THRB: variants seen among roughly 807,000 people sequenced by gnomAD.
The protein encoded by THRB is nuclear receptor subfamily 1 group A member 2.
THRB carries 12 observed loss-of-function variants against 47.8 expected under a neutral mutation model. That is an observed-to-expected ratio of 0.25 (90% CI 0.16 to 0.41). The LOEUF is 0.41. THRB is among the 10% of genes least tolerant of loss of function. The pLI, the probability that THRB is intolerant of heterozygous loss-of-function variation, is 1.00. For synonymous variants in THRB, 218 were observed against 212.2 expected (o/e 1.03, Z -0.24); for missense variants, 348 against 589.2 (o/e 0.59, Z 4.24).
chr3:24,372,728 C>T (rs2065006712), intron 1 of THRB, among the ~76,000 whole-genome samples: 1 of 152,058 alleles, frequency 6.6e-6, no homozygotes, highest in Non-Finnish European at 1.5e-5. Flanking sequence ...ACAGGAGAGT[C>T]CAATGTCTCA....
chr3:24,484,646 G>A lies in THRB; in HGVS notation c.-261+10006C>T, dbSNP rs558364547. 8.5e-5 allele frequency among the ~76,000 whole-genome samples: 13 copies of A among 152,176 alleles called. No homozygotes were observed. In the East Asian group the frequency reaches 1.2e-3, roughly 14 times the overall value. ...AGGGGTTAATAAACTATAGCTCATC[G>A]CCTGTTTTGTAAACAAAATTTTATT... On this transcript the variant is annotated intron_variant, in intron 1 of 10. Coordinates refer to ENST00000646209, the MANE Select transcript of THRB (RefSeq NM_001354712.2).
intron 4 of THRB, among the ~76,000 whole-genome samples, chr3:24,204,847 G>A (rs895200773): frequency 3.9e-5 from 6 of 152,206 alleles, no homozygotes; most frequent in African/African-American, 9.7e-5. Context: ...CAAGAACTAC[G>A]TGACGAATTC....
intron 2 of THRB, among the ~76,000 whole-genome samples, chr3:24,334,117 T>G (rs112555788): frequency 0.028 from 4,267 of 152,270 alleles, 62 homozygotes; most frequent in Middle Eastern, 0.041. Flanking sequence ...AAAATTCAAA[T>G]GAAGTTGTTT....
chr3:24,463,087 T>TACTA (rs888577288), intron 1 of THRB, among the ~76,000 whole-genome samples: 1 of 152,216 alleles, frequency 6.6e-6, no homozygotes, highest in Non-Finnish European at 1.5e-5. Flanking sequence ...CCCTGATTAG[T>TACTA]AAGACAGTAT....
intron 5 of THRB, among the ~76,000 whole-genome samples, chr3:24,167,178 G>A (rs1014408458): frequency 6.6e-6 from 1 of 152,126 alleles, no homozygotes; most frequent in Non-Finnish European, 1.5e-5. Context: ...GACAAAATTA[G>A]AAAAGAGACC....
At chr3:24,198,361 A>G (rs2149695214) in intron 4 of THRB, among the ~76,000 whole-genome samples, 1 of 151,874 alleles carries the variant, frequency 6.6e-6, no homozygotes, top group East Asian at 1.9e-4. Flanking sequence ...AAAGTACTTC[A>G]CAATGTTGAT....
Position 24,468,202 on chromosome 3 carries a change from G to T in THRB, c.-261+26450C>A, listed in dbSNP as rs373788488. 2.6e-5 allele frequency among the ~76,000 whole-genome samples: 4 copies of T among 152,130 alleles called. No individual in the cohort carries two copies. In the East Asian group the frequency reaches 5.8e-4, roughly 22 times the overall value. On this transcript the variant is annotated intron_variant, in intron 1 of 10. Transcript: ENST00000646209. ...GCCTTCATGGAATTAAGAAAGTTAGGGCTTTGCTGTAGATTAGGCTTTGGC... is the reference window on the plus strand; with the variant it reads ...GCCTTCATGGAATTAAGAAAGTTAGTGCTTTGCTGTAGATTAGGCTTTGGC...
chr3:24,342,545 A>G (rs1391090987), intron 1 of THRB, among the ~76,000 whole-genome samples: 1 of 152,076 alleles, frequency 6.6e-6, no homozygotes, highest in Non-Finnish European at 1.5e-5. Context: ...GAGAAGAAAT[A>G]CCCTGGCTTC....
At chr3:24,327,718 A>G (rs1433093245) in intron 2 of THRB, among the ~76,000 whole-genome samples, 2 of 152,254 alleles carry the variant, frequency 1.3e-5, no homozygotes, top group Non-Finnish European at 2.9e-5. Context: ...AGAACTGTCA[A>G]GAGCTGTCCT....
intron 1 of THRB, among the ~76,000 whole-genome samples, chr3:24,434,744 GA>G (rs2070770432): frequency 6.6e-6 from 1 of 152,146 alleles, no homozygotes; most frequent in African/African-American, 2.4e-5. Context: ...GAGAAAACAA[GA>G]AGGACATTTT....
chr3:24,140,031 C>T (rs887518918), intron 8 of THRB, among the ~76,000 whole-genome samples: 1 of 152,188 alleles, frequency 6.6e-6, no homozygotes, highest in African/African-American at 2.4e-5. Flanking sequence ...TGATACCTTT[C>T]AGTACATGAA....
chr3:24,263,264 A>C (rs1161821874), intron 3 of THRB, among the ~76,000 whole-genome samples: 2 of 152,034 alleles, frequency 1.3e-5, no homozygotes, highest in Non-Finnish European at 2.9e-5. Flanking sequence ...CATGTACCGA[A>C]TGTGTATGCC....
chr3:24,303,875 T>C (rs2057135621), intron 2 of THRB, among the ~76,000 whole-genome samples: 1 of 152,208 alleles, frequency 6.6e-6, no homozygotes, highest in African/African-American at 2.4e-5. Context: ...CTTTAATTTA[T>C]TGATTGGACA....
intron 3 of THRB, among the ~76,000 whole-genome samples, chr3:24,292,575 G>A (rs961872702): frequency 2.6e-4 from 40 of 152,072 alleles, no homozygotes; most frequent in Admixed American, 4.6e-4. Flanking sequence ...TCCCTGGCTC[G>A]ACGTTAAGCT....
At chr3:24,373,846 T>G (rs928241553) in intron 1 of THRB, among the ~76,000 whole-genome samples, 5 of 152,114 alleles carry the variant, frequency 3.3e-5, no homozygotes, top group African/African-American at 7.2e-5. Context: ...ACTGCAACCA[T>G]TCATACACTG....
chr3:24,472,672 T>G (rs1371740944), intron 1 of THRB, among the ~76,000 whole-genome samples: 3 of 152,202 alleles, frequency 2.0e-5, no homozygotes, highest in Non-Finnish European at 4.4e-5. Flanking sequence ...GAGGACCTGA[T>G]AGTCACTTAC....
rs559325556 is a variant in THRB, at chr3:24,118,973, G to GTTTTTTTTTTTTTTTTTTTTTTTTTTT, written c.*3884_*3910dup. ...GCCAAACCTTTTTTCCCCCAGTCTG[G>GTTTTTTTTTTTTTTTTTTTTTTTTTTT]TTTTTTTTTTTTTTTTTTTTTTTTT... On this transcript the variant is annotated 3_prime_UTR_variant, in exon 11 of 11. Transcript: ENST00000646209. The GTTTTTTTTTTTTTTTTTTTTTTTTTTT allele has an allele frequency of 4.0e-5, 2 of 49,516 alleles. No individual in the cohort carries two copies. Among genetic ancestry groups the GTTTTTTTTTTTTTTTTTTTTTTTTTTT allele is most frequent in the Admixed American group, 2.8e-4 (1 of 3,622 alleles). The allele number at this position is 49,516 out of a possible 1,614,324, so 3.1% of individuals were successfully genotyped here. A position where few individuals can be genotyped will look rare whatever the true frequency, so the allele number is the denominator to read the frequency against.
rs11383377 is a variant in THRB, at chr3:24,397,600, C to CTT, written c.-260-60231_-260-60230dup. Among the ~76,000 whole-genome samples, 620 of 138,186 alleles carry CTT rather than the reference C, an allele frequency of 4.5e-3. 9 individuals are homozygous for CTT. The highest frequency in any genetic ancestry group is 4.6e-3 in the South Asian group (20 of 4,340). 90.7% of individuals were successfully genotyped at this position (138,186 alleles called of 152,430 possible). On this transcript the variant is annotated intron_variant, in intron 1 of 10. Transcript: ENST00000646209. ...GCACATCTTAGCACCTTTAGCAAGT[C>CTT]TTTTTTTTTTTTTTTTCTGAGATAG... is the stretch of plus-strand genomic sequence containing the variant.
intron 3 of THRB, among the ~76,000 whole-genome samples, chr3:24,229,981 A>G (rs1047655247): frequency 1.3e-5 from 2 of 152,144 alleles, no homozygotes; most frequent in Non-Finnish European, 2.9e-5. Flanking sequence ...TACTTGTCCC[A>G]CTTATTTCAC....
Sources: gnomAD v4.1 joint callset for allele counts (sites outside exome capture counted in the v4.1 genomes callset) on GRCh38, gnomAD v4.1.1 for gene constraint, MANE v1.5 for transcripts, NCBI Gene and HGNC (gene_info 2026-07-23, HGNC 2026-07-21) for gene names.